REPS1: variants seen among roughly 807,000 people sequenced by gnomAD.
REPS1 encodes the protein ralBP1-associated Eps domain-containing protein 1.
REPS1 carries 39 observed loss-of-function variants against 100.9 expected under a neutral mutation model. That is an observed-to-expected ratio of 0.39 (90% CI 0.30 to 0.50). The LOEUF (loss-of-function observed/expected upper bound fraction) is 0.50. Among genes scored for constraint, REPS1 ranks in the 20% least tolerant of loss-of-function variants. The pLI, the probability that REPS1 is intolerant of heterozygous loss-of-function variation, is 0.86. For synonymous variants in REPS1, 324 were observed against 340.3 expected (o/e 0.95, Z 0.53); for missense variants, 821 against 968.5 (o/e 0.85, Z 2.02).
chr6:138,920,659 T>C (rs1417592470), intron 11 of REPS1, among the ~76,000 whole-genome samples: 3 of 152,200 alleles, frequency 2.0e-5, no homozygotes, highest in Non-Finnish European at 4.4e-5. Context: ...TGAGAAACCC[T>C]GAAACATTTA....
intron 1 of REPS1, among the ~76,000 whole-genome samples, chr6:138,980,408 A>C (rs1455451278): frequency 6.6e-6 from 1 of 152,174 alleles, no homozygotes; most frequent in Non-Finnish European, 1.5e-5. Context: ...CTTATCACTG[A>C]GTACAAGGGC....
Position 138,943,978 on chromosome 6 carries a change from G to A in REPS1, c.791C>T (p.Thr264Ile), listed in dbSNP as rs771402235. 54 of 1,613,766 alleles carry A rather than the reference G, an allele frequency of 3.3e-5. No individual in the cohort carries two copies. The highest frequency in any genetic ancestry group is 4.5e-5 in the Non-Finnish European group (53 of 1,179,888). ...GGATTGCCTACGAATTTCAATGGCA[G>A]TTGTAGCTGATGCTACAGTTCGTAC... ...TTVRTVASAT[T>I]AIEIRRQSSS... The change falls in exon 6 of 20, where the codon ACT becomes ATT. Residue 264 changes from threonine (T) to isoleucine (I), a missense_variant. By Grantham distance (89) the Thr-to-Ile change is moderately conservative. Transcript: ENST00000450536.
chr6:138,946,777 T>C (rs1202259075), intron 2 of REPS1, among the ~76,000 whole-genome samples: 1 of 152,232 alleles, frequency 6.6e-6, no homozygotes, highest in Non-Finnish European at 1.5e-5. Context: ...AAGAACCCTC[T>C]GCATTTAAGT....
rs553084906 is a variant in REPS1 at position 138,948,267 on chromosome 6, G to A, written c.154-354C>T. Among the ~76,000 whole-genome samples, 8 of 152,272 alleles carry A rather than the reference G, an allele frequency of 5.3e-5. No homozygotes were observed. The South Asian group carries it at 1.5e-3, about 28-fold the overall frequency. On this transcript the variant is annotated intron_variant, in intron 1 of 19. Transcript: ENST00000450536. ...CATGTGACTAAGAGACTATTATGCAGCCATTTAAAGTGACGGTCTTTAAAT... is the reference window on the plus strand; with the variant it reads ...CATGTGACTAAGAGACTATTATGCAACCATTTAAAGTGACGGTCTTTAAAT...
At chr6:138,920,922 G>T (rs1481855489) in intron 11 of REPS1, 115 bp downstream of exon 11, 2 of 712,906 alleles carry the variant, frequency 2.8e-6, no homozygotes, top group Non-Finnish European at 4.9e-6. Context: ...ATACATAATT[G>T]TAGAAAGTAC....
Position 138,945,350 on chromosome 6 carries a change from G to C in REPS1, c.497C>G (p.Ser166Ter). ...DAQEPASPVV[S>*]PQQSPPTSPH... ...AGAAGTTGGTGGGGATTGCTGTGGTGAAACTACTGGGGATGCAGGTTCCTA... is the reference window on the plus strand; with the variant it reads ...AGAAGTTGGTGGGGATTGCTGTGGTCAAACTACTGGGGATGCAGGTTCCTA... The change falls in exon 4 of 20, where the codon TCA (serine) becomes TGA (stop). Residue 166 changes from serine (S) to a stop codon, truncating the protein, a stop_gained. Transcript: ENST00000450536. LOFTEE classifies it high-confidence loss of function. The C allele has an allele frequency of 6.2e-7, 1 of 1,610,842 alleles. No individual in the cohort carries two copies. The highest frequency in any genetic ancestry group is 8.5e-7 in the Non-Finnish European group (1 of 1,178,882).
chr6:138,929,286 G>A (rs1355375747), intron 9 of REPS1: 1 of 152,174 alleles, frequency 6.6e-6, no homozygotes, highest in Non-Finnish European at 1.5e-5. Context: ...GTGTTTTAGG[G>A]GAGGCAGGGC....
chr6:138,945,923 T>G (rs1021154182), intron 2 of REPS1, among the ~76,000 whole-genome samples: 5 of 152,156 alleles, frequency 3.3e-5, no homozygotes, highest in Non-Finnish European at 7.4e-5. Flanking sequence ...TTCTAATGAG[T>G]GATAACAATG....
At chr6:138,934,506 C>T (rs986456007) in intron 8 of REPS1, among the ~76,000 whole-genome samples, 1 of 152,208 alleles carries the variant, frequency 6.6e-6, no homozygotes, top group African/African-American at 2.4e-5. Context: ...GAAGTTTCAC[C>T]TATCTATCCT....
intron 5 of REPS1, 126 bp from the exon 6 acceptor site, chr6:138,944,141 A>T: frequency 2.3e-6 from 2 of 853,936 alleles, no homozygotes; most frequent in Non-Finnish European, 3.7e-6. Flanking sequence ...GTAAAACCAC[A>T]CATCTGTTAC....
intron 17 of REPS1, among the ~76,000 whole-genome samples, chr6:138,910,390 T>A (rs1244861798): frequency 6.6e-6 from 1 of 152,218 alleles, no homozygotes; most frequent in Admixed American, 6.5e-5. Context: ...GGTCTCACTC[T>A]GTCACCCAGG....
At chr6:138,971,114 AT>A (rs1227087671) in intron 1 of REPS1, among the ~76,000 whole-genome samples, 4 of 152,208 alleles carry the variant, frequency 2.6e-5, no homozygotes, top group Non-Finnish European at 5.9e-5. Context: ...GAAGTAAAAG[AT>A]TTCTCTCAGG....
intron 1 of REPS1, among the ~76,000 whole-genome samples, chr6:138,970,986 T>A (rs975101545): frequency 6.6e-6 from 1 of 152,226 alleles, no homozygotes; most frequent in Middle Eastern, 3.4e-3. Context: ...AAAATAACCA[T>A]GAAACAATAC....
intron 1 of REPS1, among the ~76,000 whole-genome samples, chr6:138,976,649 T>G (rs1160474384): frequency 1.3e-5 from 2 of 152,194 alleles, no homozygotes; most frequent in African/African-American, 4.8e-5. Context: ...GTACAAAAAT[T>G]CATCATACCA....
chr6:138,987,453 A>G, intron 1 of REPS1, 77 bp downstream of exon 1: 1 of 1,344,212 alleles, frequency 7.4e-7, no homozygotes, highest in Non-Finnish European at 9.8e-7. Context: ...GCCCCAAGGA[A>G]TCGGCGCCCA....
intron 1 of REPS1, among the ~76,000 whole-genome samples, chr6:138,982,409 T>C (rs1053034104): frequency 4.6e-5 from 7 of 152,224 alleles, no homozygotes; most frequent in Admixed American, 2.6e-4. Context: ...AAAGAACAGT[T>C]AGTACTAGAA....
intron 1 of REPS1, among the ~76,000 whole-genome samples, chr6:138,948,408 AT>A (rs1782778789): frequency 6.6e-6 from 1 of 152,138 alleles, no homozygotes; most frequent in Admixed American, 6.5e-5. Flanking sequence ...GTCTATCACA[AT>A]TTTTTCAGAT....
chr6:138,923,863 T>C lies in REPS1; in HGVS notation c.1338+2538A>G, dbSNP rs565481163. Among the ~76,000 whole-genome samples, 7 of 152,358 alleles carry C rather than the reference T, an allele frequency of 4.6e-5. No individual in the cohort carries two copies. In the East Asian group the frequency reaches 1.3e-3, roughly 29 times the overall value. On this transcript the variant is annotated intron_variant, in intron 10 of 19. Coordinates refer to ENST00000450536, the MANE Select transcript of REPS1 (RefSeq NM_001286611.2). Reference sequence around the variant, plus strand: ...ACAATTTAGTTTCTTTTTAATAGTCTGTTAAATATTTCCAATACTGTAAGA... The same window carrying C: ...ACAATTTAGTTTCTTTTTAATAGTCCGTTAAATATTTCCAATACTGTAAGA...
chr6:138,966,636 A>T (rs1367956903), intron 1 of REPS1, among the ~76,000 whole-genome samples: 3 of 152,206 alleles, frequency 2.0e-5, no homozygotes, highest in African/African-American at 7.2e-5. Context: ...TTTATAAGGG[A>T]TCATATTTGC....
Sources: gnomAD v4.1 joint callset for allele counts (sites outside exome capture counted in the v4.1 genomes callset) on GRCh38, gnomAD v4.1.1 for gene constraint, MANE v1.5 for transcripts, NCBI Gene and HGNC (gene_info 2026-07-23, HGNC 2026-07-21) for gene names.